TNK2: variants seen among roughly 807,000 people sequenced by gnomAD.
TNK2 encodes the protein activated CDC42 kinase 1.
A neutral mutation model predicts 101.8 loss-of-function variants in TNK2; 83 were observed. The observed-to-expected ratio is 0.82, with a 90% CI of 0.68 to 0.98. The LOEUF (loss-of-function observed/expected upper bound fraction) is 0.98. Ranked by LOEUF, TNK2 falls within the 50% of genes least tolerant of loss-of-function variation. TNK2 has a pLI of 0.00. For synonymous variants in TNK2, 804 were observed against 633.0 expected, an observed-to-expected ratio of 1.27 and a Z score of -4.06; for missense variants, 1,665 against 1,483.2, an observed-to-expected ratio of 1.12 and a Z score of -2.01.
At chr3:195,870,469 G>C in intron 10 of TNK2, 1 of 1,232,924 alleles carries the variant, frequency 8.1e-7, no homozygotes, top group Non-Finnish European at 1.1e-6. Flanking sequence ...GGGCAGAGGT[G>C]GTCCTCCACA....
In TNK2 at chr3:195,868,481, T is replaced by C; in HGVS notation, c.1817A>G (p.Gln606Arg). 1 of 1,549,750 alleles carries C rather than the reference T, an allele frequency of 6.5e-7. No individual in the cohort carries two copies. Among genetic ancestry groups the C allele is most frequent in the Non-Finnish European group, 8.6e-7 (1 of 1,159,728 alleles). The change falls in exon 13 of 16, where the codon CAG (glutamine) becomes CGG (arginine). Residue 606 changes from glutamine (Q) to arginine (R), a missense_variant. Transcript: ENST00000672887. ...ALRPCAPSLA[Q>R]LAMDACSLLD... ...CAGGGAGCAGGCGTCCATGGCCAGC[T>C]GCGCCAGGGAGGGCGCGCAGGGCCG...
At position 195,883,187 on chromosome 3, in the gene TNK2, G is replaced by T; in HGVS notation, c.579C>A (p.Tyr193Ter). Residue 193 changes from tyrosine to a stop codon, truncating the protein, a stop_gained, in exon 5 of 16, where the codon TAC (tyrosine) becomes TAA (stop). Transcript: ENST00000672887. LOFTEE classifies it high-confidence loss of function. ...TCATGGGCGGCGTGAGCACCACCCC[G>T]TAGAGGCGGATGAGGTTTCGGTGGT... ...SLDHRNLIRL[Y>*]GVVLTPPMKM... 1 of 1,500,564 alleles carries T rather than the reference G, an allele frequency of 6.7e-7. No homozygotes were observed. Among genetic ancestry groups the T allele is most frequent in the Non-Finnish European group, 9.0e-7 (1 of 1,113,280 alleles). 93.0% of individuals were successfully genotyped at this position (1,500,564 alleles called of 1,614,324 possible). A position where few individuals can be genotyped will look rare whatever the true frequency, so the allele number is the denominator to read the frequency against.
intron 4 of TNK2, chr3:195,884,406 G>T (rs749176963): frequency 1.2e-4 from 19 of 162,964 alleles, no homozygotes; most frequent in Non-Finnish European, 2.1e-4. Flanking sequence ...ACTTTGGGAG[G>T]CTAAAGTGGG....
At position 195,867,374 on chromosome 3, in the gene TNK2, T is replaced by A. The variant is rs1161153072; in HGVS notation, c.2924A>T (p.Asp975Val). Residue 975 changes from aspartate to valine, a missense_variant, in exon 13 of 16, where the codon GAC becomes GTC. Around this residue, in one of 3 missense-constraint regions of TNK2, gnomAD observed 1,136 missense variants for 894.9 expected, o/e 1.27. Transcript: ENST00000672887. ...CTGGGTGCTCACCATCTGGATCTTG[T>A]CTGCTGGCCGGCCCGCCTCTGGCCC... ...GDGPEAGRPA[D>V]KIQMLQAMVH... 1 of 1,606,132 alleles carries A rather than the reference T, an allele frequency of 6.2e-7. No individual in the cohort carries two copies. The highest frequency in any genetic ancestry group is 8.5e-7 in the Non-Finnish European group (1 of 1,177,518).
In TNK2 at chr3:195,882,719, A is replaced by G. The variant is rs1425809390; in HGVS notation, c.610-391T>C. On this transcript the variant is annotated intron_variant, in intron 5 of 15. Transcript: ENST00000672887. The surrounding 1 kb of genome is among the most constrained non-coding windows in gnomAD (Gnocchi z 4.2). ...CTAAAAATACAAAAATTAGCCAGGC[A>G]TGGTAGCGCACGGCTGTAATCCCAG... Among the ~76,000 whole-genome samples, 2 of 152,118 alleles carry G rather than the reference A, an allele frequency of 1.3e-5. No homozygotes were observed. The highest frequency in any genetic ancestry group is 2.9e-5 in the Non-Finnish European group (2 of 68,026).
In TNK2 at chr3:195,878,925, GGGAGGCACGGGGCGTGGGA is replaced by G. The variant is rs1229136013; in HGVS notation, c.1014+105_1014+123del. ...CGTGGTGGGAGGCACGGGAAGTGGG[GGGAGGCACGGGGCGTGGGA>G]GGAGGGAGTCCATTGGTGAGAGGCA... On this transcript the variant is annotated intron_variant, in intron 7 of 15. Transcript: ENST00000672887. This position sits in a 1 kb window ranked among gnomAD's most constrained non-coding sequence, Gnocchi z 4.7. 2.8e-5 allele frequency: 40 copies of G among 1,452,366 alleles called. No individual in the cohort carries two copies. In the Admixed American group the frequency reaches 4.2e-4, roughly 15 times the overall value. 90.0% of individuals were successfully genotyped at this position (1,452,366 alleles called of 1,614,324 possible).
chr3:195,876,420 G>A (rs555618407), intron 9 of TNK2: 1 of 456,764 alleles, frequency 2.2e-6, no homozygotes, highest in South Asian at 1.5e-5. Context: ...ACCCACAGAT[G>A]CACACCCAGG....
intron 10 of TNK2, 109 bp from the exon 11 acceptor site, chr3:195,870,314 T>G (rs1322901489): frequency 6.5e-7 from 1 of 1,543,934 alleles, no homozygotes; most frequent in Non-Finnish European, 8.8e-7. Context: ...GTCTTGGGTC[T>G]GAAGCACAGG....
intron 1 of TNK2, among the ~76,000 whole-genome samples, chr3:195,905,357 G>A (rs185983893): frequency 5.3e-5 from 8 of 152,012 alleles, no homozygotes; most frequent in African/African-American, 1.4e-4. Flanking sequence ...CCGCCACCAC[G>A]CCTGGCTAAT....
chr3:195,897,131 T>C (rs1760670859), intron 1 of TNK2, among the ~76,000 whole-genome samples: 2 of 152,164 alleles, frequency 1.3e-5, no homozygotes, highest in Non-Finnish European at 2.9e-5. Flanking sequence ...TGCTTCCACA[T>C]GTCAGCCCCA....
chr3:195,870,123 C>T lies in TNK2; in HGVS notation c.1534G>A (p.Gly512Arg). The T allele has an allele frequency of 6.8e-7, 1 of 1,465,852 alleles. No individual in the cohort carries two copies. Among genetic ancestry groups the T allele is most frequent in the South Asian group, 1.4e-5 (1 of 70,390 alleles). 90.8% of individuals were successfully genotyped at this position (1,465,852 alleles called of 1,614,324 possible). ...STSRPPQHLGGVKREPPPRPP... is the reference protein window; with the variant it reads ...STSRPPQHLGRVKREPPPRPP... ...GCAGAGGGGCTCTTACTTTTCACCC[C>T]TCCTAGATGCTGGGGGGGCCGGGAG... Residue 512 changes from glycine (G) to arginine (R), a missense_variant, in exon 11 of 16, where the codon GGG (glycine) becomes AGG (arginine). Gly to Arg is a moderately radical substitution (Grantham distance 125). Around this residue, in one of 3 missense-constraint regions of TNK2, gnomAD observed 1,136 missense variants for 894.9 expected, o/e 1.27. Transcript: ENST00000672887.
chr3:195,875,773 G>C (rs944440712), intron 9 of TNK2, among the ~76,000 whole-genome samples: 1 of 152,178 alleles, frequency 6.6e-6, no homozygotes, highest in Admixed American at 6.5e-5. Flanking sequence ...AGCAGGAAAA[G>C]GGCCCAACAC....
intron 1 of TNK2, among the ~76,000 whole-genome samples, chr3:195,889,861 G>A (rs1465603355): frequency 6.6e-6 from 1 of 152,184 alleles, no homozygotes; most frequent in Admixed American, 6.5e-5. Context: ...CCCCAAAGAG[G>A]AACAGGCGAG....
intron 10 of TNK2, 41 bp from the exon 11 acceptor site, chr3:195,870,246 T>G: frequency 6.3e-7 from 1 of 1,597,746 alleles, no homozygotes; most frequent in Non-Finnish European, 8.5e-7. Context: ...AGGGGAAGCG[T>G]GTGGAGGGGT....
Position 195,868,519 on chromosome 3 carries a change from C to T in TNK2, c.1779G>A (p.Val593=). The T allele has an allele frequency of 6.4e-7, 1 of 1,559,198 alleles. No homozygotes were observed. The highest frequency in any genetic ancestry group is 1.8e-4 in the Middle Eastern group (1 of 5,550). The change falls in exon 13 of 16, where the codon GTG becomes GTA. Residue 593 remains valine, a synonymous_variant. Transcript: ENST00000672887. ...GCGCGCAGGGCCGTAGGGCCGGGAC[C>T]ACGGGCTCCTCACCGAAGTCGATGA... ...VTLIDFGEEP[V]VPALRPCAPS...
chr3:195,866,977 C>G lies in TNK2; in HGVS notation c.3073G>C (p.Glu1025Gln). 4 of 1,613,138 alleles carry G rather than the reference C, an allele frequency of 2.5e-6. No homozygotes were observed. In the South Asian group the frequency reaches 4.4e-5, roughly 18 times the overall value. The part of the protein sequence containing the change: ...LFGLGLRPRG[E>Q]CHKVLEMFDW... ...AACATCTCCAGCACTTTGTGGCACT[C>G]CCCTCTGGGCCGCAGACCCAGCCCG... The change falls in exon 15 of 16, where the codon GAG becomes CAG. Residue 1025 changes from glutamate (E) to glutamine (Q), a missense_variant. Transcript: ENST00000672887.
chr3:195,884,527 C>T, intron 4 of TNK2: 1 of 366,256 alleles, frequency 2.7e-6, no homozygotes, highest in Non-Finnish European at 4.9e-6. Context: ...CCTGTAATCC[C>T]AGCTACTCAG....
At position 195,886,059 on chromosome 3, in the gene TNK2, G is replaced by C. The variant is rs1441311442; in HGVS notation, c.234+918C>G. The C allele has an allele frequency of 1.3e-5, 2 of 156,714 alleles. No homozygotes were observed. The highest frequency in any genetic ancestry group is 4.8e-5 in the African/African-American group (2 of 41,480). The allele number at this position is 156,714 out of a possible 1,614,324, so 9.7% of individuals were successfully genotyped here. A position where few individuals can be genotyped will look rare whatever the true frequency, so the allele number is the denominator to read the frequency against. The stretch of plus-strand genomic sequence containing the variant: ...CCCCGGGAGGTGAGCTGGGCAGTGG[G>C]GACCGGTATCATTTCACTGAAGACA... On this transcript the variant is annotated intron_variant, in intron 3 of 15. Transcript: ENST00000672887. The surrounding 1 kb of genome is among the most constrained non-coding windows in gnomAD (Gnocchi z 4.2).
chr3:195,868,279 C>T lies in TNK2; in HGVS notation c.2019G>A (p.Gly673=). 6.2e-7 allele frequency: 1 copy of T among 1,604,212 alleles called. No individual in the cohort carries two copies. Among genetic ancestry groups the T allele is most frequent in the South Asian group, 1.1e-5 (1 of 91,066 alleles). The change falls in exon 13 of 16, where the codon GGG becomes GGA. Residue 673 remains glycine (G), a synonymous_variant. Transcript: ENST00000672887. ...CSINSTLVGA[G]VPAGPSQGQT... ...GGCCCTGGCTGGGCCCGGCAGGGACCCCCGCGCCCACGAGGGTGCTGTTGA... is the reference window on the plus strand; with the variant it reads ...GGCCCTGGCTGGGCCCGGCAGGGACTCCCGCGCCCACGAGGGTGCTGTTGA...
Sources: gnomAD v4.1 joint callset for allele counts (sites outside exome capture counted in the v4.1 genomes callset) on GRCh38, gnomAD v4.1.1 for gene constraint, gnomAD v4.1.1 regional missense constraint, Gnocchi (gnomAD v3.1) non-coding constraint, MANE v1.5 for transcripts, NCBI Gene and HGNC (gene_info 2026-07-23, HGNC 2026-07-21) for gene names.